The following DPP6 variants were observed in gnomAD, a reference collection of about 807,000 sequenced individuals.
DPP6 encodes the protein A-type potassium channel modulatory protein DPP6.
In DPP6, 69 loss-of-function variants were observed where a neutral mutation model predicts 122.6. That is an observed-to-expected ratio of 0.56 (90% CI 0.46 to 0.69). DPP6 has a LOEUF of 0.69. Ranked by LOEUF, DPP6 falls within the 30% of genes least tolerant of loss-of-function variation. The probability of loss-of-function intolerance (pLI) is 0.00; values close to 1 mark genes in which losing one functional copy is unlikely to be tolerated. For synonymous variants in DPP6, 418 were observed against 433.1 expected (o/e 0.97, Z 0.43); for missense variants, 928 against 1,116.9 (o/e 0.83, Z 2.41).
chr7:154,713,022 G>A (rs1007258483), intron 7 of DPP6, among the ~76,000 whole-genome samples: 2 of 152,202 alleles, frequency 1.3e-5, no homozygotes, highest in South Asian at 2.1e-4. Flanking sequence ...TACAATGGGG[G>A]TACAGGCATT....
rs770520033 is a variant in DPP6, at chr7:154,624,625, C to T, written c.628-13196C>T. ...CATGTGGGCACTAAGAGGATGACCC[C>T]GTGGTGGTCAGGTACCTTGCTGCTC... is the stretch of plus-strand genomic sequence containing the variant. On this transcript the variant is annotated intron_variant, in intron 5 of 25. Transcript: ENST00000377770. The surrounding 1 kb of genome is among the most constrained non-coding windows in gnomAD (Gnocchi z 4.7). Among the ~76,000 whole-genome samples, 1 of 152,154 alleles carries T rather than the reference C, an allele frequency of 6.6e-6. No homozygotes were observed. Among genetic ancestry groups the T allele is most frequent in the South Asian group, 2.1e-4 (1 of 4,828 alleles).
intron 1 of DPP6, among the ~76,000 whole-genome samples, chr7:153,985,929 C>G (rs1796823736): frequency 1.3e-5 from 2 of 152,204 alleles, no homozygotes; most frequent in African/African-American, 4.8e-5. Context: ...GAATAAAAGA[C>G]CTTAACAGGT....
intron 1 of DPP6, among the ~76,000 whole-genome samples, chr7:153,947,318 C>T (rs190241897): frequency 9.2e-5 from 14 of 152,160 alleles, no homozygotes; most frequent in Admixed American, 5.9e-4. Context: ...GTCAGAGCAT[C>T]GGCTGGGTTC....
In DPP6 at chr7:153,918,821, A is replaced by G. The variant is rs544483465; in HGVS notation, c.51+31087A>G. ...ATGGTGAAACCCCGTCTCTACTAAA[A>G]TACAAAAATTAGCTGGGCATGGTGG... On this transcript the variant is annotated intron_variant, in intron 1 of 25. Coordinates refer to the DPP6 transcript ENST00000404039. 2.6e-5 allele frequency among the ~76,000 whole-genome samples: 4 copies of G among 151,952 alleles called. No homozygotes were observed. In the East Asian group the frequency reaches 7.8e-4, roughly 30 times the overall value.
At chr7:154,507,821 T>C (rs1054336521) in intron 3 of DPP6, among the ~76,000 whole-genome samples, 6 of 147,140 alleles carry the variant, frequency 4.1e-5, no homozygotes, top group African/African-American at 9.9e-5. Flanking sequence ...TACATGGCTC[T>C]ATAATATTAA....
rs556956468 is a variant in DPP6, at chr7:154,065,470, G to A, written c.243+12407G>A. On this transcript the variant is annotated intron_variant, in intron 1 of 25. Transcript: ENST00000377770. Reference sequence around the variant, plus strand: ...CCCCCAGTAAGAACAAAACAGGAAGGGCCCAAGGAAAACACAACCAGCAGT... The same window carrying A: ...CCCCCAGTAAGAACAAAACAGGAAGAGCCCAAGGAAAACACAACCAGCAGT... Among the ~76,000 whole-genome samples, 13 of 151,630 alleles carry A rather than the reference G, an allele frequency of 8.6e-5. No individual in the cohort carries two copies. In the East Asian group the frequency reaches 1.9e-3, roughly 23 times the overall value.
intron 7 of DPP6, among the ~76,000 whole-genome samples, chr7:154,707,517 G>A (rs1252603368): frequency 1.3e-5 from 2 of 152,144 alleles, no homozygotes; most frequent in Non-Finnish European, 2.9e-5. Context: ...GCAAAAATGA[G>A]ATGAGCCCTT....
chr7:153,799,060 G>A, the DPP6 span, among the ~76,000 whole-genome samples: 1 of 152,210 alleles, frequency 6.6e-6, no homozygotes, highest in East Asian at 1.9e-4. Context: ...ACCTCCTCTA[G>A]GAGGTGTGCG....
intron 1 of DPP6, among the ~76,000 whole-genome samples, chr7:154,103,078 C>T (rs1805868125): frequency 6.6e-6 from 1 of 152,052 alleles, no homozygotes; most frequent in Non-Finnish European, 1.5e-5. Flanking sequence ...TTACTGTCCC[C>T]AATGAGTACC....
intron 7 of DPP6, among the ~76,000 whole-genome samples, chr7:154,683,353 G>T (rs1839402432): frequency 6.6e-6 from 1 of 152,108 alleles, no homozygotes; most frequent in African/African-American, 2.4e-5. Context: ...CCAAAGCTCT[G>T]CCCTGTAAGT....
At chr7:153,750,833 A>G in the DPP6 span, among the ~76,000 whole-genome samples, 2 of 152,208 alleles carry the variant, frequency 1.3e-5, no homozygotes, top group South Asian at 4.1e-4. Context: ...TTGATGGCCT[A>G]AAGTGAGATG....
At chr7:154,451,459 G>C (rs540318996) in intron 2 of DPP6, among the ~76,000 whole-genome samples, 1 of 152,024 alleles carries the variant, frequency 6.6e-6, no homozygotes, top group Non-Finnish European at 1.5e-5. Context: ...CAGGTCCTGG[G>C]ACCCTGTCCT....
chr7:154,811,651 C>T (rs1405782178), intron 16 of DPP6, among the ~76,000 whole-genome samples: 1 of 152,162 alleles, frequency 6.6e-6, no homozygotes, highest in Non-Finnish European at 1.5e-5. Flanking sequence ...ATACAAGCAA[C>T]CTGATTTAAT....
intron 3 of DPP6, among the ~76,000 whole-genome samples, chr7:154,495,241 G>A (rs548604697): frequency 9.9e-5 from 15 of 152,170 alleles, no homozygotes; most frequent in South Asian, 2.1e-4. Context: ...CCCTCAGGGC[G>A]TTTCTGCAGG....
chr7:154,207,190 C>T (rs906500503), intron 1 of DPP6, among the ~76,000 whole-genome samples: 4 of 152,186 alleles, frequency 2.6e-5, no homozygotes, highest in African/African-American at 9.6e-5. Flanking sequence ...CTGTCTGGTG[C>T]TTTAAAATCC....
intron 1 of DPP6, among the ~76,000 whole-genome samples, chr7:154,169,138 C>G (rs562984185): frequency 1.1e-4 from 17 of 152,116 alleles, no homozygotes; most frequent in Admixed American, 9.8e-4. Context: ...CAATCAGTTG[C>G]TATTCTGAGT....
intron 1 of DPP6, among the ~76,000 whole-genome samples, chr7:154,032,750 C>G (rs1799307574): frequency 2.0e-5 from 3 of 151,946 alleles, no homozygotes; most frequent in South Asian, 4.2e-4. Context: ...TTTTCTGTCT[C>G]ATTTTTGTCT....
chr7:154,137,154 C>T (rs1795597606), intron 1 of DPP6, among the ~76,000 whole-genome samples: 1 of 152,128 alleles, frequency 6.6e-6, no homozygotes, highest in African/African-American at 2.4e-5. Flanking sequence ...CGTTTCCACC[C>T]CGTTGAGGAT....
chr7:154,633,448 C>A (rs1163479362), intron 5 of DPP6, among the ~76,000 whole-genome samples: 1 of 152,096 alleles, frequency 6.6e-6, no homozygotes, highest in Non-Finnish European at 1.5e-5. Context: ...GTTGACTAGG[C>A]TGGTCTTGAA....
Sources: allele counts gnomAD v4.1 joint callset (sites outside exome capture counted in the v4.1 genomes callset), GRCh38; gene constraint gnomAD v4.1.1; non-coding constraint Gnocchi (gnomAD v3.1); transcripts MANE v1.5; gene names NCBI Gene and HGNC (gene_info 2026-07-23, HGNC 2026-07-21).